Variants in DMRT1 observed in about 807,000 individuals in gnomAD.
DMRT1 encodes the protein doublesex- and mab-3-related transcription factor 1.
A neutral mutation model predicts 32.3 loss-of-function variants in DMRT1; 7 were observed. The ratio of observed to expected loss-of-function variants is 0.22; its 90% CI spans 0.12 to 0.41. The LOEUF is 0.41. DMRT1 is among the 10% of genes least tolerant of loss of function. The pLI, the probability that DMRT1 is intolerant of heterozygous loss-of-function variation, is 1.00. For missense variants in DMRT1, 625 were observed against 500.5 expected (o/e 1.25, Z -2.37); for synonymous variants, 278 against 206.1 (o/e 1.35, Z -2.99).
Position 916,861 on chromosome 9 carries a change from C to T in DMRT1, c.921C>T (p.Phe307=). The T allele has an allele frequency of 6.2e-7, 1 of 1,614,212 alleles. No homozygotes were observed. Among genetic ancestry groups the T allele is most frequent in the Non-Finnish European group, 8.5e-7 (1 of 1,180,034 alleles). ...PSYLGQSVPQ[F]FTFEDAPSYP... is the part of the protein sequence containing the mutation. ...ACCTGGGCCAGAGCGTGCCCCAGTT[C>T]TTCACTTTTGAGGATGCTCCCTCTT... Residue 307 remains phenylalanine (F), a synonymous_variant, in exon 4 of 5, where the codon TTC becomes TTT. Transcript: ENST00000382276.
chr9:852,039 A>T (rs1478658598), intron 2 of DMRT1, among the ~76,000 whole-genome samples: 1 of 151,236 alleles, frequency 6.6e-6, no homozygotes, highest in Non-Finnish European at 1.5e-5. Context: ...TCCTGGGTTC[A>T]AGAGATTCTG....
intron 4 of DMRT1, among the ~76,000 whole-genome samples, chr9:966,894 CTAA>C (rs1819948007): frequency 6.6e-6 from 1 of 152,198 alleles, no homozygotes; most frequent in Non-Finnish European, 1.5e-5. Context: ...ATGCATTTTG[CTAA>C]TTACATCATA....
rs1564227075 is a variant in DMRT1 at position 890,120 on chromosome 9, G to T, written c.539-3792G>T. Among the ~76,000 whole-genome samples, 6 of 101,252 alleles carry T rather than the reference G, an allele frequency of 5.9e-5. 1 individual carries two copies. In the Admixed American group the frequency reaches 6.3e-4, roughly 11 times the overall value. 66.4% of individuals were successfully genotyped at this position (101,252 alleles called of 152,430 possible). A position where few individuals can be genotyped will look rare whatever the true frequency, so the allele number is the denominator to read the frequency against. On this transcript the variant is annotated intron_variant, in intron 2 of 4. Coordinates refer to ENST00000382276, the MANE Select transcript of DMRT1 (RefSeq NM_021951.3). ...TTTTTTTTTTTTGAGCCGGAGTCTT[G>T]CTCTGTCACCCAGGCTGGAGTGCAG...
chr9:903,899 A>G (rs1171813215), intron 3 of DMRT1, among the ~76,000 whole-genome samples: 4 of 152,152 alleles, frequency 2.6e-5, no homozygotes, highest in African/African-American at 7.2e-5. Flanking sequence ...AGAGTGAAAC[A>G]TTAGGTTTTT....
intron 3 of DMRT1, among the ~76,000 whole-genome samples, chr9:902,285 G>A (rs140061309): frequency 0.014 from 2,137 of 149,800 alleles, 31 homozygotes; most frequent in Middle Eastern, 0.035. Context: ...ATTCAGCAAT[G>A]TAAAAAGTTG....
intron 2 of DMRT1, among the ~76,000 whole-genome samples, chr9:864,251 C>G (rs1052496919): frequency 4.0e-5 from 6 of 148,940 alleles, no homozygotes; most frequent in African/African-American, 1.2e-4. Flanking sequence ...TGTCACCAGG[C>G]TGGAGTGCAG....
chr9:895,125 A>G (rs1817305297), intron 3 of DMRT1: 1 of 152,154 alleles, frequency 6.6e-6, no homozygotes, highest in African/African-American at 2.4e-5. Context: ...CCAAGTATGT[A>G]TTTTTAAAAT....
chr9:879,239 C>G (rs1432713189), intron 2 of DMRT1, among the ~76,000 whole-genome samples: 2 of 151,898 alleles, frequency 1.3e-5, no homozygotes, highest in African/African-American at 2.4e-5. Flanking sequence ...ACCTCAAGAG[C>G]TTTTATTTAT....
At chr9:911,469 CATTTTTTTTTTTTTTTTTTTTTTTTTT>C (rs1564245118) in intron 3 of DMRT1, among the ~76,000 whole-genome samples, 1 of 68,960 alleles carries the variant, frequency 1.5e-5, no homozygotes, top group African/African-American at 4.5e-5. Flanking sequence ...GGGTTAATTG[CATTTTTTTTTTTTTTTTTTTTTTTTTT>C]TTTTTTTTTT....
At chr9:861,269 C>CT (rs1297654669) in intron 2 of DMRT1, among the ~76,000 whole-genome samples, 2 of 151,902 alleles carry the variant, frequency 1.3e-5, no homozygotes, top group African/African-American at 4.8e-5. Flanking sequence ...GGTGATGACT[C>CT]TTAAGGAGCA....
chr9:937,844 T>A (rs1444561269), intron 4 of DMRT1, among the ~76,000 whole-genome samples: 2 of 152,084 alleles, frequency 1.3e-5, no homozygotes, highest in South Asian at 2.1e-4. Context: ...GTTTTTTTTT[T>A]ATTTTGATAA....
intron 3 of DMRT1, among the ~76,000 whole-genome samples, chr9:904,736 G>A (rs548818929): frequency 6.6e-6 from 1 of 152,266 alleles, no homozygotes; most frequent in South Asian, 2.1e-4. Flanking sequence ...CCTGAGGTCA[G>A]GAGTTTGAGA....
At chr9:864,118 G>A (rs1168100303) in intron 2 of DMRT1, among the ~76,000 whole-genome samples, 1 of 152,112 alleles carries the variant, frequency 6.6e-6, no homozygotes, top group African/African-American at 2.4e-5. Context: ...CTTCCTGTTG[G>A]TAGGCCATTC....
chr9:846,544 C>G (rs1436607508), intron 1 of DMRT1, among the ~76,000 whole-genome samples: 2 of 152,062 alleles, frequency 1.3e-5, no homozygotes, highest in African/African-American at 4.8e-5. Context: ...TCCTCCCTAG[C>G]CAATCTTATT....
Position 968,119 on chromosome 9 carries a change from G to A in DMRT1, c.1102G>A (p.Val368Ile). 6 of 1,613,392 alleles carry A rather than the reference G, an allele frequency of 3.7e-6. No homozygotes were observed. The highest frequency in any genetic ancestry group is 3.3e-5 in the South Asian group (3 of 91,052). The change falls in exon 5 of 5, where the codon GTC (valine) becomes ATC (isoleucine). Residue 368 changes from valine (V) to isoleucine (I), a missense_variant. Around this residue, in one of 3 missense-constraint regions of DMRT1, gnomAD observed 416 missense variants for 321.6 expected, o/e 1.29. Transcript: ENST00000382276. ...SEPSSFTVTP[V>I]IEEDE ...GCCCAGCAGCTTCACAGTCACTCCC[G>A]TCATCGAGGAGGACGAGTGAGCAGT...
chr9:882,396 C>G (rs988638783), intron 2 of DMRT1, among the ~76,000 whole-genome samples: 1 of 152,196 alleles, frequency 6.6e-6, no homozygotes, highest in Admixed American at 6.5e-5. Context: ...TGTCTCCTCT[C>G]TTTCCTTGAC....
chr9:864,871 A>G lies in DMRT1; in HGVS notation c.538+17728A>G, dbSNP rs935734062. Among the ~76,000 whole-genome samples the G allele has an allele frequency of 2.2e-4, 9 of 40,512 alleles. No homozygotes were observed. In the Admixed American group the frequency reaches 3.1e-3, roughly 14 times the overall value. The allele number at this position is 40,512 out of a possible 152,430, so 26.6% of individuals were successfully genotyped here. ...AGTAGGTCTCAAGTTTTAAGCCAAA[A>G]GCTTCGACTAAACCATTTCATAGTT... On this transcript the variant is annotated intron_variant, in intron 2 of 4. Coordinates refer to ENST00000382276, the MANE Select transcript of DMRT1 (RefSeq NM_021951.3).
intron 2 of DMRT1, among the ~76,000 whole-genome samples, chr9:892,870 T>C (rs1360027238): frequency 1.3e-5 from 2 of 152,170 alleles, no homozygotes; most frequent in African/African-American, 4.8e-5. Flanking sequence ...TTCCAAACTC[T>C]ACCCCCACTT....
At chr9:849,233 C>G (rs1262935162) in intron 2 of DMRT1, among the ~76,000 whole-genome samples, 1 of 152,170 alleles carries the variant, frequency 6.6e-6, no homozygotes, top group Non-Finnish European at 1.5e-5. Context: ...ATTTCCCATT[C>G]TACTTAACTG....
Sources: allele counts gnomAD v4.1 joint callset (sites outside exome capture counted in the v4.1 genomes callset), GRCh38; gene constraint gnomAD v4.1.1; regional missense constraint gnomAD v4.1.1; transcripts MANE v1.5; gene names NCBI Gene and HGNC (gene_info 2026-07-23, HGNC 2026-07-21).